Variants in PDE3A observed in about 807,000 individuals in gnomAD.
PDE3A encodes phosphodiesterase 3A, also known as cGMP-inhibited 3',5'-cyclic phosphodiesterase 3A.
PDE3A carries 43 observed loss-of-function variants against 98.3 expected under a neutral mutation model. The observed-to-expected ratio is 0.44, with a 90% CI of 0.34 to 0.56. PDE3A has a LOEUF of 0.56. Ranked by LOEUF, PDE3A falls within the 20% of genes least tolerant of loss-of-function variation. The pLI is 0.01. For missense variants in PDE3A, 1,427 were observed against 1,440.7 expected, an observed-to-expected ratio of 0.99 and a Z score of 0.15; for synonymous variants, 663 against 567.9, an observed-to-expected ratio of 1.17 and a Z score of -2.38.
rs2121516696 is a variant in PDE3A, at chr12:20,648,672, T to A, written c.2566-16T>A. The A allele has an allele frequency of 1.3e-6, 2 of 1,525,908 alleles. No homozygotes were observed. The highest frequency in any genetic ancestry group is 1.8e-6 in the Non-Finnish European group (2 of 1,100,188). 94.5% of individuals were successfully genotyped at this position (1,525,908 alleles called of 1,614,324 possible). ...TTTCTTAAAAAGTTGAACTCTTAAC[T>A]GTCTTATTTGCCTAGGCGGTGCTAT... On this transcript the variant is annotated splice_polypyrimidine_tract_variant and intron_variant, in intron 12 of 15. Coordinates refer to ENST00000359062, the MANE Select transcript of PDE3A (RefSeq NM_000921.5).
At chr12:20,537,380 GCCAT>G (rs1941774761) in intron 1 of PDE3A, among the ~76,000 whole-genome samples, 1 of 151,884 alleles carries the variant, frequency 6.6e-6, no homozygotes, top group South Asian at 2.1e-4. Context: ...CTTTCTTAAT[GCCAT>G]TGTTGTGTGT....
chr12:20,414,161 G>T (rs1292312452), intron 1 of PDE3A, among the ~76,000 whole-genome samples: 1 of 152,082 alleles, frequency 6.6e-6, no homozygotes, highest in Admixed American at 6.6e-5. Flanking sequence ...TTATGTATAC[G>T]TATATTTGAT....
intron 1 of PDE3A, among the ~76,000 whole-genome samples, chr12:20,530,278 TG>T (rs1946600575): frequency 6.6e-6 from 1 of 152,194 alleles, no homozygotes; most frequent in Non-Finnish European, 1.5e-5. Flanking sequence ...ACTTATAAGC[TG>T]TACCATAATT....
At chr12:20,635,825 A>G (rs1157873275) in intron 8 of PDE3A, among the ~76,000 whole-genome samples, 1 of 151,910 alleles carries the variant, frequency 6.6e-6, no homozygotes, top group Non-Finnish European at 1.5e-5. Context: ...CGGATTAAAC[A>G]TGTATTACAG....
At chr12:20,634,394 G>C (rs1242317792) in intron 7 of PDE3A, among the ~76,000 whole-genome samples, 2 of 152,158 alleles carry the variant, frequency 1.3e-5, no homozygotes, top group East Asian at 3.9e-4. Flanking sequence ...AATGGCGACA[G>C]TGAAGAAGGA....
intron 5 of PDE3A, among the ~76,000 whole-genome samples, chr12:20,621,893 A>G (rs1419663466): frequency 6.6e-6 from 1 of 152,088 alleles, no homozygotes; most frequent in African/African-American, 2.4e-5. Flanking sequence ...AGACTACCTC[A>G]TTTGTTCAGG....
chr12:20,603,476 G>A (rs536780809), intron 2 of PDE3A, among the ~76,000 whole-genome samples: 5 of 152,334 alleles, frequency 3.3e-5, no homozygotes, highest in South Asian at 4.1e-4. Flanking sequence ...GTATTTTGCA[G>A]TAGGGAGTAC....
At chr12:20,600,358 A>C (rs1943561325) in intron 2 of PDE3A, among the ~76,000 whole-genome samples, 1 of 152,166 alleles carries the variant, frequency 6.6e-6, no homozygotes, top group South Asian at 2.1e-4. Context: ...CCTGAAAGCT[A>C]GCCTGACTCC....
At position 20,646,746 on chromosome 12, in the gene PDE3A, C is replaced by T. The variant is rs768240692; in HGVS notation, c.2366-5C>T. 2.3e-5 allele frequency: 36 copies of T among 1,589,542 alleles called. No individual in the cohort carries two copies. The highest frequency in any genetic ancestry group is 3.1e-5 in the Non-Finnish European group (36 of 1,157,968). On this transcript the variant is annotated splice_polypyrimidine_tract_variant and splice_region_variant and intron_variant, in intron 11 of 15. Coordinates refer to ENST00000359062, the MANE Select transcript of PDE3A (RefSeq NM_000921.5). ...ACTTCTTTGACTCTCATTTTCTCTT[C>T]TCAGATTCTGACAGTGGATTTACAC...
intron 15 of PDE3A, among the ~76,000 whole-genome samples, chr12:20,666,744 G>T (rs766369373): frequency 5.3e-5 from 8 of 152,144 alleles, no homozygotes; most frequent in Admixed American, 1.3e-4. Context: ...AAATATGGGG[G>T]TGCAATTATC....
chr12:20,403,240 C>T lies in PDE3A; in HGVS notation c.960+32996C>T, dbSNP rs553937727. Among the ~76,000 whole-genome samples, 5 of 152,280 alleles carry T rather than the reference C, an allele frequency of 3.3e-5. No homozygotes were observed. The South Asian group carries it at 1.0e-3, about 32-fold the overall frequency. ...CAATTAAAATGTTTGGAGATATTTTCCTGATGCTGAATGGCTCAACTTTTC... is the reference window on the plus strand; with the variant it reads ...CAATTAAAATGTTTGGAGATATTTTTCTGATGCTGAATGGCTCAACTTTTC... On this transcript the variant is annotated intron_variant, in intron 1 of 15. Transcript: ENST00000359062.
rs1945971635 is a variant in PDE3A at position 20,686,650 on chromosome 12, A to G, written c.*6379A>G. On this transcript the variant is annotated 3_prime_UTR_variant, in exon 16 of 16. Coordinates refer to ENST00000359062, the MANE Select transcript of PDE3A (RefSeq NM_000921.5). ...CCTTTCCTGTTTCAAAACAAAAACC[A>G]GATGAAGAAAAAACAAAGACAAACT... 6.6e-6 allele frequency among the ~76,000 whole-genome samples: 1 copy of G among 152,216 alleles called. No individual in the cohort carries two copies. Among genetic ancestry groups the G allele is most frequent in the South Asian group, 2.1e-4 (1 of 4,834 alleles).
chr12:20,559,814 A>G (rs1420117907), intron 2 of PDE3A, among the ~76,000 whole-genome samples: 1 of 152,208 alleles, frequency 6.6e-6, no homozygotes. Flanking sequence ...TTTCGAAAGT[A>G]CAGAGGAAAA....
At chr12:20,417,941 T>G (rs745435764) in intron 1 of PDE3A, among the ~76,000 whole-genome samples, 8 of 152,218 alleles carry the variant, frequency 5.3e-5, no homozygotes, top group Non-Finnish European at 1.0e-4. Flanking sequence ...TTATACATTA[T>G]TATCCTAAAA....
chr12:20,646,890 G>A lies in PDE3A; in HGVS notation c.2505G>A (p.Met835Ile). 1 of 1,613,946 alleles carries A rather than the reference G, an allele frequency of 6.2e-7. No individual in the cohort carries two copies. The highest frequency in any genetic ancestry group is 8.5e-7 in the Non-Finnish European group (1 of 1,179,852). The change falls in exon 12 of 16, where the codon ATG (methionine) becomes ATA (isoleucine). Residue 835 changes from methionine (M) to isoleucine (I), a missense_variant. Around this residue, in one of 3 missense-constraint regions of PDE3A, gnomAD observed 273 missense variants for 420.3 expected, o/e 0.65. Transcript: ENST00000359062. Reference protein sequence around the residue: ...ELMALYVAAAMHDYDHPGRTN... With the variant: ...ELMALYVAAAIHDYDHPGRTN... ...TGGCGCTGTATGTGGCTGCAGCCAT[G>A]CACGATTATGATCATCCAGGAAGGA...
chr12:20,475,421 A>G (rs1305083237), intron 1 of PDE3A, among the ~76,000 whole-genome samples: 1 of 152,128 alleles, frequency 6.6e-6, no homozygotes, highest in Non-Finnish European at 1.5e-5. Flanking sequence ...GCCTAATTAT[A>G]TGATTCATTA....
chr12:20,468,540 G>T (rs919252233), intron 1 of PDE3A, among the ~76,000 whole-genome samples: 1 of 152,124 alleles, frequency 6.6e-6, no homozygotes, highest in Admixed American at 6.5e-5. Flanking sequence ...TGCCAGAGAT[G>T]ATTCAAATTA....
intron 2 of PDE3A, among the ~76,000 whole-genome samples, chr12:20,576,939 T>C (rs1592073481): frequency 6.6e-6 from 1 of 151,448 alleles, no homozygotes; most frequent in African/African-American, 2.4e-5. Context: ...TTTTTTTTTT[T>C]AAACTAAACC....
rs1942236295 is a variant in PDE3A at position 20,552,382 on chromosome 12, G to C, written c.961-4278G>C. The stretch of plus-strand genomic sequence containing the variant: ...GCGCTACCTTCTGCGGAGGGACGAT[G>C]ATGAGCCCGGCCCTTGGACGAAGGA... On this transcript the variant is annotated intron_variant, in intron 1 of 15. Transcript: ENST00000359062. This position sits in a 1 kb window ranked among gnomAD's most constrained non-coding sequence, Gnocchi z 5.1. 1.1e-5 allele frequency: 17 copies of C among 1,613,454 alleles called. No individual in the cohort carries two copies. The South Asian group carries it at 1.1e-4, about 10-fold the overall frequency.
Sources: gnomAD v4.1 joint callset for allele counts (sites outside exome capture counted in the v4.1 genomes callset) on GRCh38, gnomAD v4.1.1 for gene constraint, gnomAD v4.1.1 regional missense constraint, Gnocchi (gnomAD v3.1) non-coding constraint, MANE v1.5 for transcripts, NCBI Gene and HGNC (gene_info 2026-07-23, HGNC 2026-07-21) for gene names.